STRN: variants seen among roughly 807,000 people sequenced by gnomAD.
STRN encodes striatin.
Under a neutral mutation model 96.3 loss-of-function variants are expected in STRN, and 53 were observed. The observed-to-expected ratio is 0.55, with a 90% confidence interval of 0.44 to 0.69. The LOEUF (loss-of-function observed/expected upper bound fraction) is 0.69. Among genes scored for constraint, STRN ranks in the 30% least tolerant of loss-of-function variants. STRN has a pLI of 0.00. For missense variants in STRN, 987 were observed against 963.9 expected (o/e 1.02, Z -0.32); for synonymous variants, 428 against 355.9 (o/e 1.20, Z -2.28).
rs534427146 is a variant in STRN, at chr2:36,880,831, T to C, written c.1187-2804A>G. On this transcript the variant is annotated intron_variant, in intron 9 of 17. Transcript: ENST00000263918. ...TTCCTAGGATAGACCATATAAATTA[T>C]GTAAGTTAATTCTAACTACTGCTCT... Among the ~76,000 whole-genome samples, 10 of 152,320 alleles carry C rather than the reference T, an allele frequency of 6.6e-5. No individual in the cohort carries two copies. The East Asian group carries it at 1.7e-3, about 26-fold the overall frequency.
Position 36,841,446 on chromosome 2 carries a change from C to G in STRN, c.*8010G>C, listed in dbSNP as rs1174064558. The G allele has an allele frequency of 6.6e-6, 1 of 151,994 alleles. No individual in the cohort carries two copies. The highest frequency in any genetic ancestry group is 1.5e-5 in the Non-Finnish European group (1 of 68,010). 9.4% of individuals were successfully genotyped at this position (151,994 alleles called of 1,614,324 possible). A position where few individuals can be genotyped will look rare whatever the true frequency, so the allele number is the denominator to read the frequency against. On this transcript the variant is annotated 3_prime_UTR_variant, in exon 18 of 18. Coordinates refer to ENST00000263918, the MANE Select transcript of STRN (RefSeq NM_003162.4). ...CAACTGTCAAAAGATATGAGACCAC[C>G]GAGTTTTTCTTTTTCTAAAAATCAC...
At chr2:36,927,152 A>G (rs1670430396) in intron 1 of STRN, among the ~76,000 whole-genome samples, 1 of 152,146 alleles carries the variant, frequency 6.6e-6, no homozygotes, top group Non-Finnish European at 1.5e-5. Context: ...TTCAGCCTAC[A>G]ATACCATAAA....
chr2:36,874,196 G>A (rs1029548639), intron 10 of STRN, among the ~76,000 whole-genome samples: 12 of 151,500 alleles, frequency 7.9e-5, no homozygotes, highest in Admixed American at 1.3e-4. Flanking sequence ...CTCGGTAGGC[G>A]GAGCTTGCAG....
At chr2:36,936,729 A>G (rs1572687425) in intron 1 of STRN, among the ~76,000 whole-genome samples, 1 of 152,216 alleles carries the variant, frequency 6.6e-6, no homozygotes. Context: ...CTTATGAGTC[A>G]GCAAGTTAAC....
chr2:36,925,014 C>G, intron 2 of STRN, 91 bp downstream of exon 2: 1 of 1,156,222 alleles, frequency 8.6e-7, no homozygotes, highest in Non-Finnish European at 1.3e-6. Flanking sequence ...CAAGATCGTA[C>G]CATTGCACCC....
intron 14 of STRN, 90 bp downstream of exon 14, chr2:36,857,766 A>G: frequency 9.3e-7 from 1 of 1,077,590 alleles, no homozygotes; most frequent in Non-Finnish European, 1.3e-6. Flanking sequence ...TTAAATTTAA[A>G]GAGTTCAGGG....
intron 9 of STRN, among the ~76,000 whole-genome samples, chr2:36,879,163 T>G (rs1381825678): frequency 6.6e-6 from 1 of 152,070 alleles, no homozygotes; most frequent in Non-Finnish European, 1.5e-5. Flanking sequence ...CTCTGCCTCC[T>G]GGGTTCAAGC....
intron 7 of STRN, among the ~76,000 whole-genome samples, chr2:36,888,639 A>ATGTGTGTGTGTGTGTGTGTG (rs70946958): frequency 1.4e-5 from 2 of 145,128 alleles, no homozygotes; most frequent in Non-Finnish European, 3.0e-5. Flanking sequence ...TTTAATTTAT[A>ATGTGTGTGTGTGTGTGTGTG]TGTGTGTGTG....
intron 4 of STRN, among the ~76,000 whole-genome samples, chr2:36,904,147 G>A (rs1669758094): frequency 6.6e-6 from 1 of 152,136 alleles, no homozygotes; most frequent in African/African-American, 2.4e-5. Flanking sequence ...TTTTAAAAAG[G>A]AAGATGTATA....
At chr2:36,904,467 T>C (rs541765522) in intron 4 of STRN, among the ~76,000 whole-genome samples, 1 of 152,210 alleles carries the variant, frequency 6.6e-6, no homozygotes, top group Non-Finnish European at 1.5e-5. Context: ...AGTCTACCTC[T>C]TGATATCAGA....
chr2:36,870,296 GAAAA>G (rs56722317), intron 10 of STRN, among the ~76,000 whole-genome samples: 1 of 139,024 alleles, frequency 7.2e-6, no homozygotes, highest in Admixed American at 7.2e-5. Context: ...TCTCAAAAAT[GAAAA>G]AAAAAAAAAA....
chr2:36,854,827 G>A (rs925409737), intron 15 of STRN, among the ~76,000 whole-genome samples: 1 of 152,100 alleles, frequency 6.6e-6, no homozygotes, highest in African/African-American at 2.4e-5. Context: ...AACATGATCT[G>A]TATTGAGCTG....
At chr2:36,962,158 C>A (rs752378238) in intron 1 of STRN, among the ~76,000 whole-genome samples, 2 of 152,108 alleles carry the variant, frequency 1.3e-5, no homozygotes, top group Non-Finnish European at 2.9e-5. Flanking sequence ...CAAGGTCTGG[C>A]ATGAAGTAGA....
At chr2:36,927,559 T>G (rs1670448458) in intron 1 of STRN, among the ~76,000 whole-genome samples, 1 of 144,732 alleles carries the variant, frequency 6.9e-6, no homozygotes, top group African/African-American at 2.6e-5. Flanking sequence ...CCAGGCATGG[T>G]AGCTAATACC....
At position 36,843,433 on chromosome 2, in the gene STRN, A is replaced by G. The variant is rs1667994521; in HGVS notation, c.*6023T>C. On this transcript the variant is annotated 3_prime_UTR_variant, in exon 18 of 18. Transcript: ENST00000263918. ...CAAAAAATAAAAACATTGTATTTATATATGTGTATAAATTTTAAAAGCCAT... is the reference window on the plus strand; with the variant it reads ...CAAAAAATAAAAACATTGTATTTATGTATGTGTATAAATTTTAAAAGCCAT... Among the ~76,000 whole-genome samples the G allele has an allele frequency of 6.6e-6, 1 of 152,218 alleles. No homozygotes were observed. The highest frequency in any genetic ancestry group is 1.9e-4 in the East Asian group (1 of 5,198).
chr2:36,947,827 AG>A (rs1391941597), intron 1 of STRN, among the ~76,000 whole-genome samples: 17 of 151,704 alleles, frequency 1.1e-4, no homozygotes, highest in Admixed American at 7.2e-4. Context: ...TGGAAAACTG[AG>A]GTAAGTACTG....
intron 9 of STRN, among the ~76,000 whole-genome samples, chr2:36,880,888 G>A (rs897214273): frequency 6.6e-6 from 1 of 152,042 alleles, no homozygotes; most frequent in Non-Finnish European, 1.5e-5. Context: ...GAAAACAAAG[G>A]AGGTAACAAC....
chr2:36,857,775 G>T (rs1668383356), intron 14 of STRN, 81 bp downstream of exon 14: 1 of 1,192,134 alleles, frequency 8.4e-7, no homozygotes, highest in Non-Finnish European at 1.2e-6. Context: ...AAGAGTTCAG[G>T]GAATCATTTA....
chr2:36,926,850 T>C (rs1670423078), intron 1 of STRN, among the ~76,000 whole-genome samples: 1 of 152,142 alleles, frequency 6.6e-6, no homozygotes, highest in Admixed American at 6.5e-5. Flanking sequence ...ATAATTATGT[T>C]ACCTAACCAG....
Sources: allele counts gnomAD v4.1 joint callset (sites outside exome capture counted in the v4.1 genomes callset), GRCh38; gene constraint gnomAD v4.1.1; transcripts MANE v1.5; gene names NCBI Gene and HGNC (gene_info 2026-07-23, HGNC 2026-07-21).